The following NUP62 variants were observed in gnomAD, a reference collection of about 807,000 sequenced individuals.
The protein encoded by NUP62 is nuclear pore glycoprotein p62.
For missense variants in NUP62, 647 were observed against 689.4 expected, an observed-to-expected ratio of 0.94 and a Z score of 0.69; for synonymous variants, 305 against 303.4, an observed-to-expected ratio of 1.01 and a Z score of -0.05.
intron 2 of NUP62, among the ~76,000 whole-genome samples, chr19:49,911,727 G>A (rs761753264): frequency 6.6e-5 from 10 of 152,208 alleles, no homozygotes; most frequent in Non-Finnish European, 1.3e-4. Flanking sequence ...CTGACTGGGA[G>A]CATTCAAAAT....
At chr19:49,914,109 G>A (rs747259005) in intron 2 of NUP62, among the ~76,000 whole-genome samples, 47 of 152,288 alleles carry the variant, frequency 3.1e-4, no homozygotes, top group Admixed American at 7.2e-4. Context: ...AGTACTTTCG[G>A]AGGCCAAGGC....
chr19:49,924,537 GAA>G (rs1273942980), intron 2 of NUP62, among the ~76,000 whole-genome samples: 1 of 152,118 alleles, frequency 6.6e-6, no homozygotes. Flanking sequence ...CCTCCGCACC[GAA>G]AAAGAGTCCC....
intron 2 of NUP62, among the ~76,000 whole-genome samples, chr19:49,914,593 G>A (rs899347931): frequency 5.3e-5 from 8 of 152,102 alleles, no homozygotes; most frequent in South Asian, 2.1e-4. Flanking sequence ...ATTCAGATGC[G>A]GAATCATCTG....
chr19:49,912,174 T>C (rs2075482779), intron 2 of NUP62, among the ~76,000 whole-genome samples: 1 of 149,948 alleles, frequency 6.7e-6, no homozygotes. Context: ...ACCTTTTTTT[T>C]TTTTTTTTTT....
At chr19:49,911,242 G>A (rs2075454462) in intron 2 of NUP62, 2 of 152,260 alleles carry the variant, frequency 1.3e-5, no homozygotes, top group Non-Finnish European at 2.9e-5. Flanking sequence ...CTGGAGAAGG[G>A]AAGAAAGCTT....
In NUP62 at chr19:49,908,988, C is replaced by T. The variant is rs146715494; in HGVS notation, c.820G>A (p.Ala274Thr). ...GTGGTGGTGGCGGTGGCGGTGGCAGCGGTGGATGTTGTTGTGGAGGTGCCG... is the reference window on the plus strand; with the variant it reads ...GTGGTGGTGGCGGTGGCGGTGGCAGTGGTGGATGTTGTTGTGGAGGTGCCG... ...ASGTSTTTST[A>T]ATATATTTSS... Residue 274 changes from alanine to threonine, a missense_variant, in exon 3 of 3, where the codon GCT becomes ACT. Ala to Thr is a moderately conservative substitution (Grantham distance 58). Coordinates refer to ENST00000352066, the MANE Select transcript of NUP62 (RefSeq NM_016553.5). 142 of 1,610,124 alleles carry T rather than the reference C, an allele frequency of 8.8e-5. No individual in the cohort carries two copies. In the African/African-American group the frequency reaches 1.4e-3, roughly 16 times the overall value.
At chr19:49,918,060 G>A (rs1349844488) in intron 2 of NUP62, among the ~76,000 whole-genome samples, 2 of 151,510 alleles carry the variant, frequency 1.3e-5, no homozygotes, top group Non-Finnish European at 1.5e-5. Context: ...GCCATGGAGA[G>A]GGTCTGCTTT....
intron 2 of NUP62, among the ~76,000 whole-genome samples, chr19:49,920,534 G>GACGA: frequency 6.6e-6 from 1 of 152,272 alleles, no homozygotes; most frequent in South Asian, 2.1e-4. Flanking sequence ...CCAACCAACC[G>GACGA]ACCAACCAAC....
At chr19:49,919,147 C>A (rs566817096) in intron 2 of NUP62, among the ~76,000 whole-genome samples, 30 of 152,078 alleles carry the variant, frequency 2.0e-4, no homozygotes, top group Non-Finnish European at 4.4e-5. Context: ...GAGTGAAACT[C>A]GGTCTCAAAA....
intron 2 of NUP62, among the ~76,000 whole-genome samples, chr19:49,918,072 C>T (rs1197727703): frequency 2.0e-5 from 3 of 149,326 alleles, no homozygotes; most frequent in Non-Finnish European, 4.4e-5. Flanking sequence ...GTCTGCTTTC[C>T]TTTTTCTTTT....
At chr19:49,926,071 T>A (rs538398592) in intron 2 of NUP62, among the ~76,000 whole-genome samples, 24 of 151,588 alleles carry the variant, frequency 1.6e-4, no homozygotes, top group African/African-American at 4.8e-4. Flanking sequence ...TAGCCAGGCA[T>A]GATGGTGCAT....
rs1379130346 is a variant in NUP62 at position 49,908,068 on chromosome 19, T to C, written c.*171A>G. On this transcript the variant is annotated 3_prime_UTR_variant, in exon 3 of 3. Coordinates refer to ENST00000352066, the MANE Select transcript of NUP62 (RefSeq NM_016553.5). ...TGCTGCCTGGGCAGAAGGCCCAGAA[T>C]ACCCTCCTAAATGGAAAAACGCAAA... 2.1e-6 allele frequency: 3 copies of C among 1,396,844 alleles called. No individual in the cohort carries two copies. The highest frequency in any genetic ancestry group is 2.8e-6 in the Non-Finnish European group (3 of 1,056,394). The allele number at this position is 1,396,844 out of a possible 1,614,324, so 86.5% of individuals were successfully genotyped here.
intron 2 of NUP62, among the ~76,000 whole-genome samples, chr19:49,911,766 GTC>G (rs1351511977): frequency 1.3e-5 from 2 of 152,226 alleles, no homozygotes; most frequent in Non-Finnish European, 2.9e-5. Flanking sequence ...CACTAAGCCA[GTC>G]TCTCCGGGGC....
rs1160176802 is a variant in NUP62, at chr19:49,909,892, A to C, written c.-77-8T>G. 6.9e-7 allele frequency: 1 copy of C among 1,441,784 alleles called. No homozygotes were observed. The highest frequency in any genetic ancestry group is 9.6e-7 in the Non-Finnish European group (1 of 1,036,704). The allele number at this position is 1,441,784 out of a possible 1,614,324, so 89.3% of individuals were successfully genotyped here. On this transcript the variant is annotated splice_polypyrimidine_tract_variant and splice_region_variant and intron_variant, in intron 2 of 2. Coordinates refer to ENST00000352066, the MANE Select transcript of NUP62 (RefSeq NM_016553.5). The stretch of plus-strand genomic sequence containing the variant: ...GCAGCCTTGGGAAGATTTCTAAAGC[A>C]GAGGAAGTGACATTGTCAGATGGCA...
In NUP62 at chr19:49,909,559, C is replaced by G. The variant is rs780658950; in HGVS notation, c.249G>C (p.Ser83=). 1.2e-6 allele frequency: 2 copies of G among 1,614,138 alleles called. No individual in the cohort carries two copies. The highest frequency in any genetic ancestry group is 3.3e-5 in the Admixed American group (2 of 60,010). Residue 83 remains serine, a synonymous_variant, in exon 3 of 3, where the codon TCG becomes TCC. Coordinates refer to ENST00000352066, the MANE Select transcript of NUP62 (RefSeq NM_016553.5). ...TCCCCAAAGAAAATCCAGTTCCCCC[C>G]GAAGCAAGAGTCGCTGTTCCAAAAG... is the stretch of plus-strand genomic sequence containing the variant. ...GFTFGTATLA[S]GGTGFSLGIG...
At chr19:49,918,191 C>T (rs969756484) in intron 2 of NUP62, among the ~76,000 whole-genome samples, 14 of 151,964 alleles carry the variant, frequency 9.2e-5, no homozygotes, top group Admixed American at 2.6e-4. Context: ...CCTAGCCTCC[C>T]GTTAGCTGGG....
At chr19:49,916,757 C>T (rs1280283937) in intron 2 of NUP62, among the ~76,000 whole-genome samples, 1 of 151,996 alleles carries the variant, frequency 6.6e-6, no homozygotes, top group Non-Finnish European at 1.5e-5. Context: ...GAGCGAGACT[C>T]CGTCTCAAAA....
intron 2 of NUP62, among the ~76,000 whole-genome samples, chr19:49,914,524 G>A (rs933675642): frequency 6.6e-6 from 1 of 152,108 alleles, no homozygotes; most frequent in African/African-American, 2.4e-5. Context: ...TTACCCTTGA[G>A]TTTCAAACAA....
intron 2 of NUP62, among the ~76,000 whole-genome samples, chr19:49,911,836 T>G (rs932779943): frequency 1.3e-5 from 2 of 152,112 alleles, no homozygotes; most frequent in Non-Finnish European, 2.9e-5. Flanking sequence ...CTGAGAAAGG[T>G]CTCTTCAAGA....
Sources: gnomAD v4.1 joint callset for allele counts (sites outside exome capture counted in the v4.1 genomes callset) on GRCh38, gnomAD v4.1.1 for gene constraint, MANE v1.5 for transcripts, NCBI Gene and HGNC (gene_info 2026-07-23, HGNC 2026-07-21) for gene names.